The following FANCI variants were observed in gnomAD, a reference collection of about 807,000 sequenced individuals.
FANCI encodes FA complementation group I.
Under a neutral mutation model 176.1 loss-of-function variants are expected in FANCI, and 156 were observed. The observed-to-expected ratio is 0.89, with a 90% CI of 0.78 to 1.01. FANCI has a LOEUF of 1.01. Among genes scored for constraint, FANCI ranks in the 50% least tolerant of loss-of-function variants. The probability of loss-of-function intolerance (pLI) is 0.00; values close to 1 mark genes in which losing one functional copy is unlikely to be tolerated. For missense variants in FANCI, 1,678 were observed against 1,534.1 expected, an observed-to-expected ratio of 1.09 and a Z score of -1.57; for synonymous variants, 613 against 541.7, an observed-to-expected ratio of 1.13 and a Z score of -1.83.
rs1000354799 is a variant in FANCI at position 89,244,053 on chromosome 15, A to C, written c.-20+20A>C. The stretch of plus-strand genomic sequence containing the variant: ...GCGGAGGTGAGGCCGAGGTGACTGC[A>C]GAGCGGCTCGCGAGGTGCTCGGGCT... On this transcript the variant is annotated intron_variant, in intron 1 of 37. Coordinates refer to ENST00000310775, the MANE Select transcript of FANCI (RefSeq NM_001113378.2). 2 of 152,662 alleles carry C rather than the reference A, an allele frequency of 1.3e-5. No individual in the cohort carries two copies. The highest frequency in any genetic ancestry group is 4.8e-5 in the African/African-American group (2 of 41,456). The allele number at this position is 152,662 out of a possible 1,614,324, so 9.5% of individuals were successfully genotyped here. A position where few individuals can be genotyped will look rare whatever the true frequency, so the allele number is the denominator to read the frequency against.
chr15:89,295,740 CA>C lies in FANCI; in HGVS notation c.2636+647del, dbSNP rs373036874. 6.6e-4 allele frequency among the ~76,000 whole-genome samples: 96 copies of C among 144,476 alleles called. 3 individuals are homozygous for C. Among genetic ancestry groups the C allele is most frequent in the African/African-American group, 2.0e-3 (80 of 39,534 alleles). The allele number at this position is 144,476 out of a possible 152,430, so 94.8% of individuals were successfully genotyped here. A position where few individuals can be genotyped will look rare whatever the true frequency, so the allele number is the denominator to read the frequency against. On this transcript the variant is annotated intron_variant, in intron 24 of 37. Transcript: ENST00000310775. ...TCTTGCCTTCCCCTGGCGCCCCCCC[CA>C]CCTTTTTTTTTTTGTTGTTGTTGTT...
intron 23 of FANCI, among the ~76,000 whole-genome samples, chr15:89,294,334 C>T (rs2054174048): frequency 6.6e-6 from 1 of 151,758 alleles, no homozygotes; most frequent in African/African-American, 2.4e-5. Flanking sequence ...CCTGTAATCC[C>T]AGTACTTTGG....
chr15:89,245,309 C>T (rs2051906086), intron 1 of FANCI: 1 of 139,544 alleles, frequency 7.2e-6, no homozygotes, highest in African/African-American at 2.6e-5. Context: ...GCTGGGACTA[C>T]AGGTGCGTGC....
At chr15:89,272,887 G>C (rs1330962983) in intron 10 of FANCI, among the ~76,000 whole-genome samples, 2 of 152,052 alleles carry the variant, frequency 1.3e-5, no homozygotes, top group East Asian at 3.9e-4. Flanking sequence ...GACTGATCTT[G>C]AACTCCTGAC....
intron 17 of FANCI, among the ~76,000 whole-genome samples, chr15:89,284,143 G>A (rs897888952): frequency 2.0e-5 from 3 of 152,120 alleles, no homozygotes; most frequent in African/African-American, 4.8e-5. Context: ...AATCTTCACA[G>A]CAGTCCTCTG....
intron 2 of FANCI, among the ~76,000 whole-genome samples, chr15:89,254,283 C>G (rs920289587): frequency 3.3e-5 from 5 of 152,136 alleles, no homozygotes; most frequent in African/African-American, 1.2e-4. Flanking sequence ...ATAACCATTC[C>G]TCACTCAAGG....
chr15:89,246,450 G>C (rs1252743640), intron 1 of FANCI, among the ~76,000 whole-genome samples: 1 of 152,148 alleles, frequency 6.6e-6, no homozygotes, highest in African/African-American at 2.4e-5. Flanking sequence ...TTACGAAATA[G>C]AATCTAAATT....
intron 11 of FANCI, 78 bp from the exon 12 acceptor site, chr15:89,274,087 TTTC>T: frequency 8.9e-7 from 1 of 1,126,042 alleles, no homozygotes; most frequent in Non-Finnish European, 1.3e-6. Context: ...TTTGCTTTAT[TTTC>T]TTATTTCTTT....
chr15:89,307,933 C>A, intron 34 of FANCI: 1 of 1,350,980 alleles, frequency 7.4e-7, no homozygotes, highest in South Asian at 1.5e-5. Context: ...CAAGCATGCT[C>A]AGGCTCAAGG....
At chr15:89,296,621 G>A (rs960054355) in intron 24 of FANCI, among the ~76,000 whole-genome samples, 4 of 152,100 alleles carry the variant, frequency 2.6e-5, no homozygotes, top group Non-Finnish European at 2.9e-5. Context: ...GCAACCATCC[G>A]ATTTCTCAAT....
At chr15:89,281,890 A>G in intron 16 of FANCI, 55 bp downstream of exon 16, 6 of 1,509,120 alleles carry the variant, frequency 4.0e-6, no homozygotes, top group South Asian at 1.1e-5. Flanking sequence ...TGTTGGAGCT[A>G]AAGTTATCTC....
rs573926989 is a variant in FANCI, at chr15:89,247,726, G to A, written c.79G>A (p.Gly27Ser). ...AGAATTTCTTCAAACCCTGAGAGAA[G>A]GTGATGTGAGTATTAGGAAGCATGT... ...LQEFLQTLRE[G>S]DLTNLLQNQA... Residue 27 changes from glycine (G) to serine (S), a missense_variant, in exon 2 of 38, where the codon GGT (glycine) becomes AGT (serine). By Grantham distance (56) the Gly-to-Ser change is moderately conservative. Transcript: ENST00000310775. 7 of 1,613,502 alleles carry A rather than the reference G, an allele frequency of 4.3e-6. No homozygotes were observed. The highest frequency in any genetic ancestry group is 5.9e-6 in the Non-Finnish European group (7 of 1,179,556).
At chr15:89,278,974 A>C (rs1422058375) in intron 14 of FANCI, among the ~76,000 whole-genome samples, 200 bp downstream of exon 14, 6 of 152,212 alleles carry the variant, frequency 3.9e-5, no homozygotes. Context: ...GGAAAGCAAC[A>C]ATTAACCAAT....
chr15:89,262,836 T>A (rs74031426), intron 6 of FANCI, among the ~76,000 whole-genome samples: 7 of 152,236 alleles, frequency 4.6e-5, no homozygotes, highest in African/African-American at 1.7e-4. Context: ...AATCTACAAT[T>A]GTCAGATTAT....
chr15:89,280,807 TC>T (rs1460737810), intron 14 of FANCI, among the ~76,000 whole-genome samples: 3 of 152,246 alleles, frequency 2.0e-5, no homozygotes, highest in Non-Finnish European at 4.4e-5. Context: ...ACTTTTATGT[TC>T]CTAATAGGAC....
At chr15:89,294,047 T>TACC (rs765970476) in intron 23 of FANCI, 50 bp downstream of exon 23, 3 of 1,590,012 alleles carry the variant, frequency 1.9e-6, no homozygotes, top group South Asian at 2.2e-5. Context: ...GAGGATCGTA[T>TACC]ACCTACCTAG....
At chr15:89,292,388 A>G (rs2054101578) in intron 20 of FANCI, among the ~76,000 whole-genome samples, 1 of 152,202 alleles carries the variant, frequency 6.6e-6, no homozygotes, top group Non-Finnish European at 1.5e-5. Flanking sequence ...CAAATGAACT[A>G]GAGAAGATTT....
Position 89,306,623 on chromosome 15 carries a change from C to T in FANCI, c.3537+429C>T, listed in dbSNP as rs183790485. Among the ~76,000 whole-genome samples, 6 of 152,014 alleles carry T rather than the reference C, an allele frequency of 3.9e-5. No homozygotes were observed. In the East Asian group the frequency reaches 5.8e-4, roughly 15 times the overall value. The stretch of plus-strand genomic sequence containing the variant: ...AGGAGAATCGCTTGAACCCAGGAGG[C>T]GGAGGTTGCAGTGAGCTGAGATTGT... On this transcript the variant is annotated intron_variant, in intron 32 of 37. Transcript: ENST00000310775.
At chr15:89,300,911 A>G (rs1186662460) in intron 26 of FANCI, among the ~76,000 whole-genome samples, 1 of 152,248 alleles carries the variant, frequency 6.6e-6, no homozygotes, top group East Asian at 1.9e-4. Context: ...TATGGAGCTT[A>G]CATTATAGTA....
Sources: gnomAD v4.1 joint callset for allele counts (sites outside exome capture counted in the v4.1 genomes callset) on GRCh38, gnomAD v4.1.1 for gene constraint, MANE v1.5 for transcripts, NCBI Gene and HGNC (gene_info 2026-07-23, HGNC 2026-07-21) for gene names.